UBE2F: variants seen among roughly 807,000 people sequenced by gnomAD.
UBE2F encodes the protein NEDD8-conjugating enzyme UBE2F.
Under a neutral mutation model 29.6 loss-of-function variants are expected in UBE2F, and 5 were observed. That is an observed-to-expected ratio of 0.17 (90% confidence interval 0.09 to 0.36). The LOEUF is 0.36. Ranked by LOEUF, UBE2F falls within the 10% of genes least tolerant of loss-of-function variation. The pLI, the probability that UBE2F is intolerant of heterozygous loss-of-function variation, is 1.00. For synonymous variants in UBE2F, 66 were observed against 81.8 expected (o/e 0.81, Z 1.04); for missense variants, 141 against 228.5 (o/e 0.62, Z 2.47).
intron 5 of UBE2F, among the ~76,000 whole-genome samples, chr2:238,023,021 G>A (rs558206327): frequency 1.1e-4 from 17 of 152,346 alleles, no homozygotes; most frequent in African/African-American, 4.1e-4. Flanking sequence ...GCGAATACCC[G>A]CAAGCCTTTG....
At chr2:237,991,440 C>CA (rs1319713194) in intron 3 of UBE2F, among the ~76,000 whole-genome samples, 7 of 151,776 alleles carry the variant, frequency 4.6e-5, no homozygotes, top group Admixed American at 2.6e-4. Flanking sequence ...GGTTTCTCTG[C>CA]AAAAAAATTT....
intron 4 of UBE2F, among the ~76,000 whole-genome samples, chr2:238,005,331 G>A (rs2063878635): frequency 6.6e-6 from 1 of 151,974 alleles, no homozygotes; most frequent in East Asian, 1.9e-4. Context: ...GAGGTAGCTG[G>A]GACCACAGGA....
intron 5 of UBE2F, among the ~76,000 whole-genome samples, chr2:238,018,563 A>G (rs1032048323): frequency 6.6e-6 from 1 of 151,902 alleles, no homozygotes; most frequent in African/African-American, 2.4e-5. Context: ...TCAGTGGGTT[A>G]TTTATTTATT....
intron 4 of UBE2F, among the ~76,000 whole-genome samples, chr2:237,997,535 A>G (rs75629464): frequency 0.024 from 3,721 of 152,340 alleles, 150 homozygotes; most frequent in African/African-American, 0.085. Context: ...AACAAATTAC[A>G]GTGATATGTC....
intron 2 of UBE2F, chr2:237,986,209 G>C (rs1258963014): frequency 5.4e-6 from 2 of 373,334 alleles, no homozygotes; most frequent in African/African-American, 2.2e-5. Flanking sequence ...GAGCGCAGTG[G>C]TGTGGTCCCG....
intron 4 of UBE2F, among the ~76,000 whole-genome samples, chr2:238,011,824 T>TA (rs1440251354): frequency 6.6e-6 from 1 of 152,224 alleles, no homozygotes; most frequent in Non-Finnish European, 1.5e-5. Context: ...AGTGTCTTGT[T>TA]ATGGCTGTGC....
chr2:238,031,909 A>G (rs775331293), intron 7 of UBE2F, among the ~76,000 whole-genome samples: 6 of 152,244 alleles, frequency 3.9e-5, no homozygotes, highest in Non-Finnish European at 8.8e-5. Flanking sequence ...AGGTGATTTA[A>G]GGTGGAGCCC....
At chr2:237,997,808 A>G (rs1445359558) in intron 4 of UBE2F, among the ~76,000 whole-genome samples, 1 of 152,246 alleles carries the variant, frequency 6.6e-6, no homozygotes, top group Non-Finnish European at 1.5e-5. Context: ...CTCTTTAGAG[A>G]AAAACATGGA....
chr2:237,984,759 G>A (rs1287764031), intron 2 of UBE2F, among the ~76,000 whole-genome samples: 2 of 152,068 alleles, frequency 1.3e-5, no homozygotes, highest in Admixed American at 6.5e-5. Context: ...AATATTTAAG[G>A]TGTGCAACAA....
At chr2:237,991,974 C>G (rs992803018) in intron 3 of UBE2F, among the ~76,000 whole-genome samples, 1 of 151,880 alleles carries the variant, frequency 6.6e-6, no homozygotes, top group African/African-American at 2.4e-5. Context: ...AAGCAGTTCT[C>G]CTGCCTCAGC....
intron 4 of UBE2F, among the ~76,000 whole-genome samples, chr2:237,996,632 T>A (rs540836553): frequency 6.6e-6 from 1 of 151,862 alleles, no homozygotes; most frequent in African/African-American, 2.4e-5. Context: ...TGCGCCACCA[T>A]GCCCAGCTAA....
intron 1 of UBE2F, among the ~76,000 whole-genome samples, chr2:237,968,132 T>C (rs2063098327): frequency 6.6e-6 from 1 of 152,082 alleles, no homozygotes; most frequent in East Asian, 1.9e-4. Context: ...AAGAGGAAAC[T>C]GGCCTGCCTG....
At chr2:237,997,221 A>G (rs535444142) in intron 4 of UBE2F, among the ~76,000 whole-genome samples, 1 of 152,220 alleles carries the variant, frequency 6.6e-6, no homozygotes, top group African/African-American at 2.4e-5. Flanking sequence ...AGCTGTCTCA[A>G]AAAAAATAAA....
At chr2:237,979,102 C>G (rs567391871) in intron 2 of UBE2F, among the ~76,000 whole-genome samples, 1 of 152,296 alleles carries the variant, frequency 6.6e-6, no homozygotes, top group African/African-American at 2.4e-5. Context: ...CTGTGTCAGT[C>G]TTTGTTAAAT....
At chr2:238,020,523 C>T (rs1483885367) in intron 5 of UBE2F, among the ~76,000 whole-genome samples, 1 of 152,278 alleles carries the variant, frequency 6.6e-6, no homozygotes, top group Middle Eastern at 3.4e-3. Context: ...TTCATAAGGA[C>T]TTGTCTCCTA....
chr2:237,978,522 TG>T (rs1286658891), intron 2 of UBE2F, among the ~76,000 whole-genome samples: 1 of 152,226 alleles, frequency 6.6e-6, no homozygotes, highest in Non-Finnish European at 1.5e-5. Context: ...TGGAAACATG[TG>T]GCCTGCTTTG....
In UBE2F at chr2:238,042,490, T is replaced by C. The variant is rs1361123353; in HGVS notation, c.*1152T>C. On this transcript the variant is annotated 3_prime_UTR_variant, in exon 10 of 10. Coordinates refer to ENST00000272930, the MANE Select transcript of UBE2F (RefSeq NM_080678.3). Reference sequence around the variant, plus strand: ...CATATGCCATCCTCGGCCAGGTTAATATACTGCAGAGGAAAAGCCCTGAAG... The same window carrying C: ...CATATGCCATCCTCGGCCAGGTTAACATACTGCAGAGGAAAAGCCCTGAAG... 6.6e-6 allele frequency: 1 copy of C among 152,256 alleles called. No homozygotes were observed. Among genetic ancestry groups the C allele is most frequent in the Non-Finnish European group, 1.5e-5 (1 of 68,052 alleles). The allele number at this position is 152,256 out of a possible 1,614,324, so 9.4% of individuals were successfully genotyped here. A position where few individuals can be genotyped will look rare whatever the true frequency, so the allele number is the denominator to read the frequency against.
At position 238,021,072 on chromosome 2, in the gene UBE2F, G is replaced by A. The variant is rs1468066867; in HGVS notation, c.283-4270G>A. ...GTGTCACACAGCCCTCAGGTGCGTCGGTCAGGACTGGTTGGAGGAAGCTGT... is the reference window on the plus strand; with the variant it reads ...GTGTCACACAGCCCTCAGGTGCGTCAGTCAGGACTGGTTGGAGGAAGCTGT... On this transcript the variant is annotated intron_variant, in intron 5 of 9. Transcript: ENST00000272930. Among the ~76,000 whole-genome samples the A allele has an allele frequency of 2.0e-5, 3 of 152,146 alleles. No individual in the cohort carries two copies. In the East Asian group the frequency reaches 5.8e-4, roughly 29 times the overall value.
In UBE2F at chr2:237,982,935, A is replaced by G. The variant is rs75183214; in HGVS notation, c.119-5028A>G. On this transcript the variant is annotated intron_variant, in intron 2 of 9. Coordinates refer to ENST00000272930, the MANE Select transcript of UBE2F (RefSeq NM_080678.3). This position sits in a 1 kb window ranked among gnomAD's most constrained non-coding sequence, Gnocchi z 4.1. The stretch of plus-strand genomic sequence containing the variant: ...GCAGCTATGTATCAGTGTGGGCATG[A>G]GAAGAATAATGGTAAACCTTTCCTA... 6.6e-5 allele frequency among the ~76,000 whole-genome samples: 10 copies of G among 152,298 alleles called. No homozygotes were observed. Among genetic ancestry groups the G allele is most frequent in the Non-Finnish European group, 1.0e-4 (7 of 68,016 alleles).
Sources: allele counts gnomAD v4.1 joint callset (sites outside exome capture counted in the v4.1 genomes callset), GRCh38; gene constraint gnomAD v4.1.1; non-coding constraint Gnocchi (gnomAD v3.1); transcripts MANE v1.5; gene names NCBI Gene and HGNC (gene_info 2026-07-23, HGNC 2026-07-21).